The following FAM114A1 variants were observed in gnomAD, a reference collection of about 807,000 sequenced individuals.
FAM114A1 encodes family with sequence similarity 114 member A1, also known as protein NOXP20.
A neutral mutation model predicts 64.3 loss-of-function variants in FAM114A1; 62 were observed. The ratio of observed to expected loss-of-function variants is 0.96; its 90% CI spans 0.79 to 1.19. The LOEUF (loss-of-function observed/expected upper bound fraction) is 1.19, where lower values mean the gene tolerates loss of function less well. Among genes scored for constraint, FAM114A1 ranks in the 50% most tolerant of loss-of-function variants. The probability of loss-of-function intolerance (pLI) is 0.00; values close to 1 mark genes in which losing one functional copy is unlikely to be tolerated. For synonymous variants in FAM114A1, 254 were observed against 251.1 expected (o/e 1.01, Z -0.11); for missense variants, 645 against 676.3 (o/e 0.95, Z 0.51).
chr4:38,943,723 C>G lies in FAM114A1; in HGVS notation c.*166C>G, dbSNP rs1239392657. ...AGAATGCAAATTTAGAGAGAGTTAT[C>G]ATTTCTCTCAATGTGTATAATTGTT... On this transcript the variant is annotated 3_prime_UTR_variant, in exon 15 of 15. Transcript: ENST00000358869. 2 of 522,418 alleles carry G rather than the reference C, an allele frequency of 3.8e-6. No individual in the cohort carries two copies. The highest frequency in any genetic ancestry group is 7.0e-6 in the Non-Finnish European group (2 of 286,286). 32.4% of individuals were successfully genotyped at this position (522,418 alleles called of 1,614,324 possible).
At chr4:38,873,063 C>G (rs1369248913) in intron 2 of FAM114A1, among the ~76,000 whole-genome samples, 1 of 152,212 alleles carries the variant, frequency 6.6e-6, no homozygotes, top group African/African-American at 2.4e-5. Context: ...ACCCACAATA[C>G]TACCCCTTCT....
chr4:38,942,042 T>G (rs995650951), intron 14 of FAM114A1, among the ~76,000 whole-genome samples: 3 of 152,152 alleles, frequency 2.0e-5, no homozygotes, highest in South Asian at 2.1e-4. Context: ...ACAAGAGAGC[T>G]TGTGCAGAGA....
At chr4:38,888,669 T>G (rs552887769) in intron 3 of FAM114A1, among the ~76,000 whole-genome samples, 5 of 152,342 alleles carry the variant, frequency 3.3e-5, no homozygotes, top group African/African-American at 1.2e-4. Flanking sequence ...ATAAGAGTTA[T>G]GGGGAGCAGG....
At chr4:38,914,886 T>C (rs370743217) in intron 7 of FAM114A1, 35 bp from the exon 8 acceptor site, 4 of 1,599,522 alleles carry the variant, frequency 2.5e-6, no homozygotes, top group South Asian at 1.1e-5. Context: ...CTTTTAAATG[T>C]ACATCCAGAG....
At chr4:38,921,553 T>A (rs1231187006) in intron 8 of FAM114A1, among the ~76,000 whole-genome samples, 2 of 152,056 alleles carry the variant, frequency 1.3e-5, no homozygotes, top group African/African-American at 4.8e-5. Context: ...TGAACCACCA[T>A]GCCTGGCCTG....
At chr4:38,913,477 C>T (rs1008323215) in intron 7 of FAM114A1, among the ~76,000 whole-genome samples, 4 of 152,162 alleles carry the variant, frequency 2.6e-5, no homozygotes, top group Non-Finnish European at 4.4e-5. Flanking sequence ...CGGCTCACTG[C>T]GCCTCCGGGT....
At chr4:38,919,413 C>T (rs559619567) in intron 8 of FAM114A1, among the ~76,000 whole-genome samples, 17 of 152,280 alleles carry the variant, frequency 1.1e-4, no homozygotes, top group African/African-American at 4.1e-4. Context: ...AGCCATACCC[C>T]CTGTAAGCAG....
At chr4:38,939,659 G>T (rs1156941324) in intron 13 of FAM114A1, among the ~76,000 whole-genome samples, 2 of 152,086 alleles carry the variant, frequency 1.3e-5, no homozygotes, top group East Asian at 3.9e-4. Flanking sequence ...ATGAAAGTGG[G>T]CTGCTCTGGG....
intron 6 of FAM114A1, among the ~76,000 whole-genome samples, chr4:38,907,290 T>C (rs1227360179): frequency 6.6e-6 from 1 of 152,168 alleles, no homozygotes; most frequent in African/African-American, 2.4e-5. Context: ...TCAGTACCTC[T>C]GGTATAAGAA....
chr4:38,909,112 T>C (rs1174788380), intron 7 of FAM114A1, among the ~76,000 whole-genome samples: 1 of 152,224 alleles, frequency 6.6e-6, no homozygotes, highest in Non-Finnish European at 1.5e-5. Context: ...TTAATTCACT[T>C]AATATTATTT....
chr4:38,941,070 G>A, intron 14 of FAM114A1, 49 bp downstream of exon 14: 1 of 1,418,362 alleles, frequency 7.1e-7, no homozygotes, highest in South Asian at 1.2e-5. Flanking sequence ...GTAAATGTTA[G>A]AACTACTTTT....
chr4:38,929,832 T>C (rs899024359), intron 10 of FAM114A1, among the ~76,000 whole-genome samples: 2 of 152,126 alleles, frequency 1.3e-5, no homozygotes, highest in African/African-American at 4.8e-5. Context: ...TAATGGAATG[T>C]GGTGGTGGAG....
intron 4 of FAM114A1, among the ~76,000 whole-genome samples, chr4:38,902,863 T>C (rs538195263): frequency 6.6e-6 from 1 of 152,272 alleles, no homozygotes; most frequent in Non-Finnish European, 1.5e-5. Context: ...CAACAGTGAC[T>C]TCATATTATT....
chr4:38,917,643 TAA>T (rs199786473), intron 8 of FAM114A1, among the ~76,000 whole-genome samples: 1 of 151,822 alleles, frequency 6.6e-6, no homozygotes, highest in African/African-American at 2.4e-5. Flanking sequence ...GGCCCTGCTG[TAA>T]AAAAAACATT....
At chr4:38,882,736 C>T (rs925370721) in intron 3 of FAM114A1, among the ~76,000 whole-genome samples, 1 of 120,516 alleles carries the variant, frequency 8.3e-6, no homozygotes, top group African/African-American at 3.1e-5. Context: ...TGTGATAATG[C>T]GCATAAATGT....
chr4:38,884,126 G>T (rs1715567138), intron 3 of FAM114A1, among the ~76,000 whole-genome samples: 1 of 152,208 alleles, frequency 6.6e-6, no homozygotes. Flanking sequence ...GGGGTACGGG[G>T]AATAATTGAG....
chr4:38,871,067 G>T (rs1714017963), intron 2 of FAM114A1, among the ~76,000 whole-genome samples: 1 of 150,140 alleles, frequency 6.7e-6, no homozygotes, highest in African/African-American at 2.4e-5. Flanking sequence ...GATCTTGCAT[G>T]GCTTTCTTTT....
intron 4 of FAM114A1, among the ~76,000 whole-genome samples, chr4:38,905,260 G>A (rs1035778428): frequency 2.0e-5 from 3 of 152,124 alleles, no homozygotes; most frequent in African/African-American, 4.8e-5. Context: ...TTAGCCGGGC[G>A]TGGTGGTGTG....
At chr4:38,917,185 T>TAAATAAATAAATAAAA (rs952530167) in intron 8 of FAM114A1, among the ~76,000 whole-genome samples, 123 of 148,886 alleles carry the variant, frequency 8.3e-4, no homozygotes, top group African/African-American at 3.0e-3. Context: ...AATAAATAAA[T>TAAATAAATAAATAAAA]AAAAAAGCTG....
Sources: allele counts gnomAD v4.1 joint callset (sites outside exome capture counted in the v4.1 genomes callset), GRCh38; gene constraint gnomAD v4.1.1; transcripts MANE v1.5; gene names NCBI Gene and HGNC (gene_info 2026-07-23, HGNC 2026-07-21).